Variants in TASP1 observed in about 807,000 individuals in gnomAD.
The protein encoded by TASP1 is threonine aspartase 1.
In TASP1, 16 loss-of-function variants were observed where a neutral mutation model predicts 56.6. That is an observed-to-expected ratio of 0.28 (90% CI 0.19 to 0.43). The LOEUF is 0.43. TASP1 is among the 20% of genes least tolerant of loss of function. The pLI is 1.00. For missense variants in TASP1, 393 were observed against 511.6 expected, an observed-to-expected ratio of 0.77 and a Z score of 2.24; for synonymous variants, 179 against 184.2, an observed-to-expected ratio of 0.97 and a Z score of 0.23.
the TASP1 span, among the ~76,000 whole-genome samples, chr20:13,380,482 C>T: frequency 6.6e-6 from 1 of 152,250 alleles, no homozygotes; most frequent in South Asian, 2.1e-4. Flanking sequence ...CAGATGCCAG[C>T]TGGAGCTCTC....
chr20:13,577,319 C>T (rs1338453774), intron 6 of TASP1, among the ~76,000 whole-genome samples: 1 of 152,094 alleles, frequency 6.6e-6, no homozygotes, highest in African/African-American at 2.4e-5. Flanking sequence ...GTTTTATTTC[C>T]TATCCTAGAT....
At chr20:13,212,545 T>C in the TASP1 span, among the ~76,000 whole-genome samples, 1 of 152,202 alleles carries the variant, frequency 6.6e-6, no homozygotes, top group Non-Finnish European at 1.5e-5. Flanking sequence ...AGTATATCTT[T>C]CAATCTTTGT....
the TASP1 span, among the ~76,000 whole-genome samples, chr20:13,225,798 T>A: frequency 6.6e-6 from 1 of 152,214 alleles, no homozygotes; most frequent in African/African-American, 2.4e-5. Context: ...TTAGAATAAG[T>A]TTGTCTCATA....
chr20:13,404,775 C>T (rs2041856239), intron 13 of TASP1, among the ~76,000 whole-genome samples: 1 of 152,222 alleles, frequency 6.6e-6, no homozygotes, highest in Middle Eastern at 3.4e-3. Context: ...AAATAAATTG[C>T]AATTTCTAGT....
the TASP1 span, among the ~76,000 whole-genome samples, chr20:13,131,039 A>C: frequency 6.6e-6 from 1 of 152,198 alleles, no homozygotes; most frequent in African/African-American, 2.4e-5. Flanking sequence ...ACTTTTGGAA[A>C]GGTCTAGAAA....
chr20:13,626,490 T>A (rs2048893281), intron 2 of TASP1, among the ~76,000 whole-genome samples: 1 of 152,064 alleles, frequency 6.6e-6, no homozygotes, highest in African/African-American at 2.4e-5. Context: ...AAAAGCTACA[T>A]CTCTAGGCCT....
At chr20:13,411,132 T>C (rs1308048972) in intron 13 of TASP1, among the ~76,000 whole-genome samples, 1 of 152,204 alleles carries the variant, frequency 6.6e-6, no homozygotes, top group Non-Finnish European at 1.5e-5. Context: ...AAAAATCAGT[T>C]GGCTATAAAG....
chr20:13,263,692 T>G, the TASP1 span, among the ~76,000 whole-genome samples: 1 of 152,186 alleles, frequency 6.6e-6, no homozygotes, highest in South Asian at 2.1e-4. Flanking sequence ...AATGGAGTGT[T>G]TGAATGTGGA....
chr20:13,578,136 C>T (rs1187106854), intron 6 of TASP1, among the ~76,000 whole-genome samples: 1 of 152,106 alleles, frequency 6.6e-6, no homozygotes, highest in African/African-American at 2.4e-5. Flanking sequence ...TATTTTTCTG[C>T]ACCCTGAATA....
rs747978387 is a variant in TASP1, at chr20:13,467,746, G to A, written c.985+15481C>T. Among the ~76,000 whole-genome samples, 87 of 152,276 alleles carry A rather than the reference G, an allele frequency of 5.7e-4. 1 individual carries two copies. The highest frequency in any genetic ancestry group is 3.4e-3 in the Middle Eastern group (1 of 294). ...AAACACATACACACGGCCAGGTGCA[G>A]TGGCTCATGACTGTAATCCTAGTAC... On this transcript the variant is annotated intron_variant, in intron 11 of 13. Coordinates refer to ENST00000337743, the MANE Select transcript of TASP1 (RefSeq NM_017714.3).
chr20:13,381,223 C>G, the TASP1 span, among the ~76,000 whole-genome samples: 1 of 152,222 alleles, frequency 6.6e-6, no homozygotes, highest in Non-Finnish European at 1.5e-5. Context: ...CCAAGGGAAT[C>G]TCCTGGTCTG....
chr20:13,633,164 A>T (rs2049160574), intron 1 of TASP1, among the ~76,000 whole-genome samples: 1 of 152,214 alleles, frequency 6.6e-6, no homozygotes, highest in Admixed American at 6.5e-5. Context: ...CAATGAGAAA[A>T]CTTGATAAAC....
the TASP1 span, among the ~76,000 whole-genome samples, chr20:13,307,981 A>G: frequency 2.0e-5 from 3 of 152,134 alleles, no homozygotes; most frequent in Non-Finnish European, 4.4e-5. Flanking sequence ...GCTTTAGTTG[A>G]TACTGCCCAG....
the TASP1 span, among the ~76,000 whole-genome samples, chr20:13,351,683 A>G: frequency 6.6e-6 from 1 of 152,144 alleles, no homozygotes; most frequent in Non-Finnish European, 1.5e-5. Flanking sequence ...GGCTGTTGGA[A>G]CTGTCTGTAC....
At chr20:13,603,698 C>T (rs554487095) in intron 4 of TASP1, among the ~76,000 whole-genome samples, 1 of 152,256 alleles carries the variant, frequency 6.6e-6, no homozygotes, top group South Asian at 2.1e-4. Flanking sequence ...TTTTAAGGGG[C>T]AAACAGTTTT....
chr20:13,516,454 C>A (rs1018331542), intron 10 of TASP1, among the ~76,000 whole-genome samples: 3 of 152,056 alleles, frequency 2.0e-5, no homozygotes, highest in Non-Finnish European at 4.4e-5. Context: ...AAATGAAAAT[C>A]CAGCCCTGTT....
At chr20:13,272,218 A>T in the TASP1 span, among the ~76,000 whole-genome samples, 1 of 152,188 alleles carries the variant, frequency 6.6e-6, no homozygotes, top group Non-Finnish European at 1.5e-5. Flanking sequence ...TTGATCCTTC[A>T]TTAACTGCCT....
chr20:13,251,044 A>G, the TASP1 span, among the ~76,000 whole-genome samples: 1 of 152,186 alleles, frequency 6.6e-6, no homozygotes, highest in Non-Finnish European at 1.5e-5. Flanking sequence ...TGTATTTTCC[A>G]TAAGTCAGGA....
the TASP1 span, among the ~76,000 whole-genome samples, chr20:13,298,029 T>C: frequency 1.3e-4 from 20 of 152,218 alleles, no homozygotes; most frequent in African/African-American, 4.1e-4. Context: ...CTGAGTCCTA[T>C]AAATCTTCCT....
Sources: allele counts gnomAD v4.1 joint callset (sites outside exome capture counted in the v4.1 genomes callset), GRCh38; gene constraint gnomAD v4.1.1; transcripts MANE v1.5; gene names NCBI Gene and HGNC (gene_info 2026-07-23, HGNC 2026-07-21).